The following KLF8 variants were observed in gnomAD, a reference collection of about 807,000 sequenced individuals.
The protein encoded by KLF8 is KLF transcription factor 8.
A neutral mutation model predicts 18.2 loss-of-function variants in KLF8; 10 were observed. The ratio of observed to expected loss-of-function variants is 0.55; its 90% CI spans 0.34 to 0.93. The LOEUF is 0.93. Ranked by LOEUF, KLF8 falls within the 40% of genes least tolerant of loss-of-function variation. The pLI, the probability that KLF8 is intolerant of heterozygous loss-of-function variation, is 0.02. For synonymous variants in KLF8, 109 were observed against 97.3 expected (o/e 1.12, Z -0.71); for missense variants, 264 against 277.9 (o/e 0.95, Z 0.36).
At chrX:56,235,293 T>C (rs1489212227) in intron 1 of KLF8, among the ~76,000 whole-genome samples, 1 of 108,475 alleles carries the variant, frequency 9.2e-6, no homozygotes, top group Non-Finnish European at 1.9e-5. Context: ...TTGACATAGA[T>C]GATCATCTAG....
the KLF8 span, among the ~76,000 whole-genome samples, chrX:56,117,027 G>A: frequency 9.0e-6 from 1 of 110,517 alleles, no homozygotes. Context: ...TGTAATCCCA[G>A]CTGTTTGGGA....
At chrX:55,933,347 A>C in the KLF8 span, among the ~76,000 whole-genome samples, 596 of 112,110 alleles carry the variant, frequency 5.3e-3, no homozygotes, top group African/African-American at 0.016. Context: ...TTTCTGCTTT[A>C]AGGTGCCTTA....
the KLF8 span, among the ~76,000 whole-genome samples, chrX:56,052,085 TCACGTAG>T: frequency 8.9e-6 from 1 of 112,206 alleles, no homozygotes; most frequent in African/African-American, 3.2e-5. Context: ...TCTGCATTAT[TCACGTAG>T]TTCTCAAGCC....
chrX:55,960,586 G>A, the KLF8 span, among the ~76,000 whole-genome samples: 8 of 52,827 alleles, frequency 1.5e-4, no homozygotes, highest in South Asian at 0.012. Flanking sequence ...GGAGGAGGAG[G>A]AGAAGAAGGA....
rs200006019 is a variant in KLF8, at chrX:56,269,399, T to C, written c.668T>C (p.Met223Thr). 8.3e-7 allele frequency: 1 copy of C among 1,207,044 alleles called. No homozygotes were observed. Among genetic ancestry groups the C allele is most frequent in the East Asian group, 3.0e-5 (1 of 33,668 alleles). Reference sequence around the variant, plus strand: ...TTAGTGAAAGTTGACCCCACCTCCATGTCTCCACTGGAAATTCCAAGTGAC... The same window carrying C: ...TTAGTGAAAGTTGACCCCACCTCCACGTCTCCACTGGAAATTCCAAGTGAC... ...AGSVKVDPTSMSPLEIPSDSE... is the reference protein window; with the variant it reads ...AGSVKVDPTSTSPLEIPSDSE... Residue 223 changes from methionine to threonine, a missense_variant, in exon 4 of 6, where the codon ATG (methionine) becomes ACG (threonine). Around this residue, in one of 2 missense-constraint regions of KLF8, gnomAD observed 221 missense variants for 193.6 expected, o/e 1.14. Transcript: ENST00000468660.
the KLF8 span, among the ~76,000 whole-genome samples, chrX:56,123,309 G>GAAAGAAAGAAAGAAAGAAAAGAAAAGA: frequency 7.4e-5 from 8 of 108,157 alleles, no homozygotes; most frequent in African/African-American, 2.2e-4. Flanking sequence ...GAGAAAGAAA[G>GAAAGAAAGAAAGAAAGAAAAGAAAAGA]AAAGAAAAGA....
At chrX:56,051,852 C>T in the KLF8 span, among the ~76,000 whole-genome samples, 1 of 108,036 alleles carries the variant, frequency 9.3e-6, no homozygotes, top group African/African-American at 3.6e-5. Context: ...TGGATAATAC[C>T]CTGCAGAGTG....
intron 1 of KLF8, among the ~76,000 whole-genome samples, chrX:56,245,368 A>G (rs2066609008): frequency 8.9e-6 from 1 of 111,758 alleles, no homozygotes; most frequent in Non-Finnish European, 1.9e-5. Flanking sequence ...GGCACTGTTC[A>G]CTTTTGTAAG....
the KLF8 span, among the ~76,000 whole-genome samples, chrX:55,945,316 G>T: frequency 1.1e-4 from 12 of 111,022 alleles, no homozygotes; most frequent in South Asian, 1.6e-3. Context: ...TGTTGATTTG[G>T]GGTGGAGAGT....
At chrX:56,107,449 G>A in the KLF8 span, among the ~76,000 whole-genome samples, 2 of 111,553 alleles carry the variant, frequency 1.8e-5, no homozygotes, top group Admixed American at 9.5e-5. Flanking sequence ...TCCTAGCCAG[G>A]CTGCAGCCTT....
chrX:56,270,272 A>G lies in KLF8; in HGVS notation c.849A>G (p.Lys283=). 4 of 1,208,517 alleles carry G rather than the reference A, an allele frequency of 3.3e-6. No individual in the cohort carries two copies. The highest frequency in any genetic ancestry group is 4.5e-6 in the Non-Finnish European group (4 of 894,384). The change falls in exon 5 of 6, where the codon AAA becomes AAG. Residue 283 remains lysine, a synonymous_variant. Transcript: ENST00000468660. ...IHQCDFAGCS[K]VYTKSSHLKA... Reference sequence around the variant, plus strand: ...AATGTGACTTTGCAGGATGCAGCAAAGTGTACACCAAAAGCTCTCACCTGA... The same window carrying G: ...AATGTGACTTTGCAGGATGCAGCAAGGTGTACACCAAAAGCTCTCACCTGA...
At chrX:55,940,852 C>T in the KLF8 span, among the ~76,000 whole-genome samples, 6 of 111,530 alleles carry the variant, frequency 5.4e-5, no homozygotes, top group Admixed American at 9.5e-5. Context: ...GAACTACAAA[C>T]CACTGCTCAA....
the KLF8 span, among the ~76,000 whole-genome samples, chrX:55,922,988 A>C: frequency 9.8e-5 from 11 of 111,714 alleles, no homozygotes; most frequent in Admixed American, 5.7e-4. Context: ...ATATACCCAG[A>C]GAAATAGAAA....
At chrX:56,052,915 C>T in the KLF8 span, among the ~76,000 whole-genome samples, 10 of 111,176 alleles carry the variant, frequency 9.0e-5, no homozygotes, top group Admixed American at 2.9e-4. Context: ...TAGCAATCTG[C>T]GAGACTCCGT....
At chrX:56,186,430 G>C in the KLF8 span, among the ~76,000 whole-genome samples, 1 of 111,286 alleles carries the variant, frequency 9.0e-6, no homozygotes, top group Non-Finnish European at 1.9e-5. Context: ...AATAATGGGA[G>C]AGTTTAACAC....
chrX:56,003,735 C>T, the KLF8 span, among the ~76,000 whole-genome samples: 1 of 111,985 alleles, frequency 8.9e-6, no homozygotes, highest in African/African-American at 3.2e-5. Flanking sequence ...ACCGCTCTTC[C>T]TGGTGGCTGA....
At chrX:55,948,859 T>C in the KLF8 span, among the ~76,000 whole-genome samples, 2 of 112,363 alleles carry the variant, frequency 1.8e-5, no homozygotes, top group African/African-American at 6.5e-5. Flanking sequence ...TCCACATCTA[T>C]AAAATGAGTT....
the KLF8 span, among the ~76,000 whole-genome samples, chrX:56,080,497 A>C: frequency 2.7e-5 from 3 of 111,544 alleles, no homozygotes; most frequent in Non-Finnish European, 3.8e-5. Context: ...TCTGGCTTCT[A>C]GGGTTTCTGC....
the KLF8 span, among the ~76,000 whole-genome samples, chrX:56,032,464 C>A: frequency 4.5e-5 from 5 of 111,918 alleles, no homozygotes; most frequent in East Asian, 1.4e-3. Context: ...TGAAAAGGCT[C>A]CCTTGTGCTC....
Sources: allele counts gnomAD v4.1 joint callset (sites outside exome capture counted in the v4.1 genomes callset), GRCh38; gene constraint gnomAD v4.1.1; regional missense constraint gnomAD v4.1.1; transcripts MANE v1.5; gene names NCBI Gene and HGNC (gene_info 2026-07-23, HGNC 2026-07-21).